The following THRB variants were observed in gnomAD, a reference collection of about 807,000 sequenced individuals.
THRB encodes nuclear receptor subfamily 1 group A member 2.
Under a neutral mutation model 47.8 loss-of-function variants are expected in THRB, and 12 were observed. The ratio of observed to expected loss-of-function variants is 0.25; its 90% CI spans 0.16 to 0.41. The LOEUF is 0.41. Ranked by LOEUF, THRB falls within the 10% of genes least tolerant of loss-of-function variation. The pLI is 1.00. For synonymous variants in THRB, 218 were observed against 212.2 expected, an observed-to-expected ratio of 1.03 and a Z score of -0.24; for missense variants, 348 against 589.2, an observed-to-expected ratio of 0.59 and a Z score of 4.24.
At chr3:24,387,318 C>T (rs913712722) in intron 1 of THRB, among the ~76,000 whole-genome samples, 3 of 152,120 alleles carry the variant, frequency 2.0e-5, no homozygotes, top group Admixed American at 6.6e-5. Context: ...AAAGTCCTCA[C>T]TTCCCCATTT....
At chr3:24,318,711 T>C (rs756124224) in intron 2 of THRB, among the ~76,000 whole-genome samples, 2 of 152,166 alleles carry the variant, frequency 1.3e-5, no homozygotes, top group Non-Finnish European at 1.5e-5. Context: ...GGATTCCCTG[T>C]GTATGGAGAG....
At chr3:24,241,239 A>G (rs2049462444) in intron 3 of THRB, among the ~76,000 whole-genome samples, 1 of 149,416 alleles carries the variant, frequency 6.7e-6, no homozygotes, top group South Asian at 2.2e-4. Flanking sequence ...AAGCATTCTC[A>G]GTTCTCAAGG....
At chr3:24,218,923 A>T (rs1035403149) in intron 4 of THRB, among the ~76,000 whole-genome samples, 1 of 152,202 alleles carries the variant, frequency 6.6e-6, no homozygotes, top group African/African-American at 2.4e-5. Context: ...ACCTCTTCCC[A>T]TAACCAAAAG....
intron 1 of THRB, among the ~76,000 whole-genome samples, chr3:24,357,346 CAAAA>C (rs781709724): frequency 1.0e-4 from 3 of 28,732 alleles, no homozygotes; most frequent in South Asian, 4.6e-3. Flanking sequence ...TTGTCTCTCC[CAAAA>C]AAAAAAAAAA....
At chr3:24,263,719 T>C (rs1056774039) in intron 3 of THRB, among the ~76,000 whole-genome samples, 1 of 151,822 alleles carries the variant, frequency 6.6e-6, no homozygotes, top group Admixed American at 6.6e-5. Context: ...CTGACTTAAA[T>C]ATAGACATAG....
intron 1 of THRB, among the ~76,000 whole-genome samples, chr3:24,448,859 T>C (rs572304908): frequency 1.3e-5 from 2 of 152,208 alleles, no homozygotes; most frequent in African/African-American, 2.4e-5. Context: ...AGCCAGCAGA[T>C]GACAGGGAAG....
In THRB at chr3:24,193,770, G is replaced by T. The variant is rs77883150; in HGVS notation, c.23-3436C>A. Among the ~76,000 whole-genome samples the T allele has an allele frequency of 2.7e-3, 411 of 152,220 alleles. 13 individuals are homozygous for T. In the East Asian group the frequency reaches 0.059, roughly 22 times the overall value. ...TTTGATCCACCAATCCTACTACTAG[G>T]TATCTACCCAGAGGAAAAGAAGTCA... On this transcript the variant is annotated intron_variant, in intron 4 of 10. Transcript: ENST00000646209.
intron 1 of THRB, among the ~76,000 whole-genome samples, chr3:24,465,206 T>C (rs2074037168): frequency 6.6e-6 from 1 of 152,214 alleles, no homozygotes; most frequent in Non-Finnish European, 1.5e-5. Context: ...TTAGCTAGTA[T>C]GGGATTTTGG....
intron 5 of THRB, among the ~76,000 whole-genome samples, chr3:24,167,400 T>C (rs1024764872): frequency 1.3e-5 from 2 of 152,150 alleles, no homozygotes; most frequent in Admixed American, 6.6e-5. Context: ...TTAAAACAAA[T>C]GAAAGATTTA....
intron 2 of THRB, among the ~76,000 whole-genome samples, chr3:24,303,112 G>C (rs1331454958): frequency 2.0e-5 from 3 of 152,082 alleles, no homozygotes; most frequent in Non-Finnish European, 4.4e-5. Flanking sequence ...AAATCACAGG[G>C]ACCCCTGAAA....
chr3:24,435,456 A>G (rs2070845982), intron 1 of THRB, among the ~76,000 whole-genome samples: 2 of 152,144 alleles, frequency 1.3e-5, no homozygotes, highest in Admixed American at 6.6e-5. Flanking sequence ...ATGGTCCGGT[A>G]GGTAAAGGAC....
At chr3:24,479,025 G>A (rs1050960994) in intron 1 of THRB, among the ~76,000 whole-genome samples, 23 of 152,302 alleles carry the variant, frequency 1.5e-4, no homozygotes, top group African/African-American at 4.8e-4. Flanking sequence ...GCGGCCGGGC[G>A]CGGGGGTTAA....
chr3:24,187,841 G>A (rs1405220529), intron 5 of THRB, among the ~76,000 whole-genome samples: 1 of 152,164 alleles, frequency 6.6e-6, no homozygotes, highest in Admixed American at 6.5e-5. Context: ...CTCAACACAT[G>A]TGCCCATTTT....
chr3:24,127,628 C>T lies in THRB; in HGVS notation c.1015G>A (p.Gly339Ser), dbSNP rs1267634673. 3 of 1,614,000 alleles carry T rather than the reference C, an allele frequency of 1.9e-6. 1 individual carries two copies. The Admixed American group carries it at 5.0e-5, about 27-fold the overall frequency. Residue 339 changes from glycine to serine, a missense_variant, in exon 10 of 11, where the codon GGC becomes AGC. By Grantham distance (56) the Gly-to-Ser change is moderately conservative. Coordinates refer to ENST00000646209, the MANE Select transcript of THRB (RefSeq NM_001354712.2). ...TLNGEMAVTR[G>S]QLKNGGLGVV... ...CCAAGACCCCCATTTTTCAGCTGGC[C>T]CCGTGTCACTGCCATTTCCCCATTC...
intron 3 of THRB, among the ~76,000 whole-genome samples, chr3:24,250,137 T>A (rs9868573): frequency 0.068 from 10,295 of 152,196 alleles, 787 homozygotes; most frequent in African/African-American, 0.19. Context: ...AATTAAAAGA[T>A]CAAGCACATA....
chr3:24,467,132 T>C (rs1577790055), intron 1 of THRB, among the ~76,000 whole-genome samples: 1 of 152,362 alleles, frequency 6.6e-6, no homozygotes, highest in East Asian at 1.9e-4. Flanking sequence ...CAGAAGTAGA[T>C]TACATTTCAA....
chr3:24,140,821 G>T (rs988106621), intron 8 of THRB, among the ~76,000 whole-genome samples: 4 of 152,204 alleles, frequency 2.6e-5, no homozygotes, highest in Non-Finnish European at 5.9e-5. Context: ...GAAATAATTT[G>T]ATGGCAGCCA....
chr3:24,285,299 G>T (rs902243720), intron 3 of THRB, among the ~76,000 whole-genome samples: 2 of 151,818 alleles, frequency 1.3e-5, no homozygotes, highest in Admixed American at 6.6e-5. Flanking sequence ...GGATGAAATT[G>T]GAAACCATAA....
At chr3:24,192,197 T>A (rs1202950723) in intron 4 of THRB, among the ~76,000 whole-genome samples, 2 of 152,196 alleles carry the variant, frequency 1.3e-5, no homozygotes, top group Non-Finnish European at 2.9e-5. Context: ...TCTTGAAAGA[T>A]CGTATTGCAT....
Sources: gnomAD v4.1 joint callset for allele counts (sites outside exome capture counted in the v4.1 genomes callset) on GRCh38, gnomAD v4.1.1 for gene constraint, MANE v1.5 for transcripts, NCBI Gene and HGNC (gene_info 2026-07-23, HGNC 2026-07-21) for gene names.